Variants in RPS6KA2 observed in about 807,000 individuals in gnomAD.
RPS6KA2 encodes the protein ribosomal protein S6 kinase alpha-2.
RPS6KA2 carries 42 observed loss-of-function variants against 91.8 expected under a neutral mutation model. The observed-to-expected ratio is 0.46, with a 90% CI of 0.36 to 0.59. The LOEUF (loss-of-function observed/expected upper bound fraction) is 0.59, where lower values mean the gene tolerates loss of function less well. Ranked by LOEUF, RPS6KA2 falls within the 20% of genes least tolerant of loss-of-function variation. The pLI, the probability that RPS6KA2 is intolerant of heterozygous loss-of-function variation, is 0.00. For synonymous variants in RPS6KA2, 414 were observed against 393.6 expected (o/e 1.05, Z -0.61); for missense variants, 798 against 978.5 (o/e 0.82, Z 2.46).
chr6:166,510,431 T>C, intron 3 of RPS6KA2, 74 bp from the exon 4 acceptor site: 2 of 936,466 alleles, frequency 2.1e-6, no homozygotes, highest in Non-Finnish European at 3.2e-6. Context: ...CATGAAATAC[T>C]AGATATAATT....
intron 2 of RPS6KA2, among the ~76,000 whole-genome samples, chr6:166,642,970 G>C (rs557606538): frequency 6.6e-6 from 1 of 152,294 alleles, no homozygotes; most frequent in South Asian, 2.1e-4. Context: ...AAGAACACCA[G>C]GTTCCCCAAG....
Position 166,612,269 on chromosome 6 carries a change from A to C in RPS6KA2, c.99+14652T>G, listed in dbSNP as rs1562340806. 6.6e-6 allele frequency among the ~76,000 whole-genome samples: 1 copy of C among 151,812 alleles called. No homozygotes were observed. The highest frequency in any genetic ancestry group is 1.5e-5 in the Non-Finnish European group (1 of 67,958). The stretch of plus-strand genomic sequence containing the variant: ...GTCAAGCCCCTTGACGAGGTGTGTG[A>C]TGTGGGCAGGTGTGATGGAAGAAAA... On this transcript the variant is annotated intron_variant, in intron 1 of 20. Coordinates refer to ENST00000265678, the MANE Select transcript of RPS6KA2 (RefSeq NM_021135.6). This position sits in a 1 kb window ranked among gnomAD's most constrained non-coding sequence, Gnocchi z 4.3.
At chr6:166,807,725 G>A (rs1396898123) in intron 2 of RPS6KA2, among the ~76,000 whole-genome samples, 1 of 152,074 alleles carries the variant, frequency 6.6e-6, no homozygotes, top group Non-Finnish European at 1.5e-5. Context: ...ACAGCCCAGT[G>A]TGCTCCCGTC....
intron 2 of RPS6KA2, among the ~76,000 whole-genome samples, chr6:166,651,375 T>A (rs1197850128): frequency 6.6e-6 from 1 of 152,318 alleles, no homozygotes; most frequent in Non-Finnish European, 1.5e-5. Flanking sequence ...TGTAAGAGTA[T>A]CTAAAAAACA....
chr6:166,561,882 C>A (rs576044765), intron 1 of RPS6KA2, among the ~76,000 whole-genome samples: 1 of 152,238 alleles, frequency 6.6e-6, no homozygotes, highest in East Asian at 1.9e-4. Context: ...TCATACCAAA[C>A]AGCATGAGGG....
intron 1 of RPS6KA2, among the ~76,000 whole-genome samples, chr6:166,608,044 G>A (rs560998255): frequency 3.3e-5 from 5 of 151,926 alleles, no homozygotes; most frequent in Non-Finnish European, 5.9e-5. Flanking sequence ...GAGAGAGACT[G>A]TCTTGGTGCC....
chr6:166,780,373 G>A (rs1204570259), intron 2 of RPS6KA2, among the ~76,000 whole-genome samples: 1 of 152,196 alleles, frequency 6.6e-6, no homozygotes, highest in African/African-American at 2.4e-5. Flanking sequence ...GAGAGAGATG[G>A]GGGAAGGACC....
At chr6:166,668,125 G>A (rs1042212260) in intron 2 of RPS6KA2, among the ~76,000 whole-genome samples, 10 of 152,214 alleles carry the variant, frequency 6.6e-5, no homozygotes, top group East Asian at 1.9e-4. Flanking sequence ...TGACACAAAC[G>A]AGCAGGAACA....
intron 2 of RPS6KA2, among the ~76,000 whole-genome samples, chr6:166,534,671 GCC>G (rs1783424345): frequency 6.6e-6 from 1 of 152,180 alleles, no homozygotes; most frequent in African/African-American, 2.4e-5. Context: ...CGTATGTTAG[GCC>G]TTAAAGATGA....
chr6:166,835,010 C>T (rs75420513), intron 2 of RPS6KA2, among the ~76,000 whole-genome samples: 6,926 of 152,142 alleles, frequency 0.046, 529 homozygotes, highest in East Asian at 0.37. Flanking sequence ...AACACCAAGG[C>T]TTATCTTTTT....
At chr6:166,792,231 C>T (rs542366250) in intron 2 of RPS6KA2, among the ~76,000 whole-genome samples, 98 of 152,270 alleles carry the variant, frequency 6.4e-4, no homozygotes, top group African/African-American at 2.1e-3. Context: ...AACACCTCTA[C>T]GCAAATAAAC....
chr6:166,746,984 T>C (rs947271000), intron 2 of RPS6KA2, among the ~76,000 whole-genome samples: 1 of 152,204 alleles, frequency 6.6e-6, no homozygotes, highest in Non-Finnish European at 1.5e-5. Flanking sequence ...GGTGTGGAGC[T>C]TCCGTGCCCT....
At chr6:166,823,441 G>A (rs1252843661) in intron 2 of RPS6KA2, among the ~76,000 whole-genome samples, 1 of 26,884 alleles carries the variant, frequency 3.7e-5, no homozygotes, top group African/African-American at 6.0e-5. Flanking sequence ...TGCAGTGTGT[G>A]TGTGTGTGTG....
At chr6:166,510,429 A>G in intron 3 of RPS6KA2, 72 bp from the exon 4 acceptor site, 1 of 962,364 alleles carries the variant, frequency 1.0e-6, no homozygotes, top group Non-Finnish European at 1.6e-6. Context: ...AACATGAAAT[A>G]CTAGATATAA....
intron 2 of RPS6KA2, among the ~76,000 whole-genome samples, chr6:166,778,583 C>T (rs11966381): frequency 0.22 from 32,815 of 152,076 alleles, 4,370 homozygotes; most frequent in African/African-American, 0.37. Context: ...CTGGCCAACA[C>T]GGCGAAACCC....
intron 2 of RPS6KA2, among the ~76,000 whole-genome samples, chr6:166,845,482 A>AT (rs1296912494): frequency 3.3e-5 from 5 of 152,210 alleles, no homozygotes; most frequent in African/African-American, 1.2e-4. Context: ...GGCTAGGTAA[A>AT]TTTAAGAAAA....
chr6:166,640,584 T>C (rs773091356), intron 2 of RPS6KA2, among the ~76,000 whole-genome samples: 40 of 152,290 alleles, frequency 2.6e-4, no homozygotes, highest in Non-Finnish European at 5.4e-4. Flanking sequence ...GGGTCACGTA[T>C]GTAGAGAGAG....
intron 1 of RPS6KA2, among the ~76,000 whole-genome samples, chr6:166,594,741 C>T (rs1210368009): frequency 2.0e-5 from 3 of 152,188 alleles, no homozygotes; most frequent in Admixed American, 6.5e-5. Flanking sequence ...GGATTACAGG[C>T]GTGAGCCACT....
At chr6:166,661,608 T>C (rs756900174) in intron 2 of RPS6KA2, among the ~76,000 whole-genome samples, 8 of 152,102 alleles carry the variant, frequency 5.3e-5, no homozygotes, top group Admixed American at 2.6e-4. Context: ...TCTCCCTATA[T>C]AATAAATATA....
Sources: allele counts gnomAD v4.1 joint callset (sites outside exome capture counted in the v4.1 genomes callset), GRCh38; gene constraint gnomAD v4.1.1; non-coding constraint Gnocchi (gnomAD v3.1); transcripts MANE v1.5; gene names NCBI Gene and HGNC (gene_info 2026-07-23, HGNC 2026-07-21).